Variants in NTMT1 observed in about 807,000 individuals in gnomAD.
NTMT1 encodes the protein N-terminal Xaa-Pro-Lys N-methyltransferase 1, also known as N-terminal RCC1 methyltransferase.
Under a neutral mutation model 17.5 loss-of-function variants are expected in NTMT1, and 8 were observed. The ratio of observed to expected loss-of-function variants is 0.46; its 90% CI spans 0.27 to 0.82. NTMT1 has a LOEUF of 0.82. Among genes scored for constraint, NTMT1 ranks in the 40% least tolerant of loss-of-function variants. The pLI is 0.15. For missense variants in NTMT1, 221 were observed against 303.5 expected (o/e 0.73, Z 2.02); for synonymous variants, 128 against 126.8 (o/e 1.01, Z -0.06).
At position 129,613,455 on chromosome 9, in the gene NTMT1, C is replaced by T. The variant is rs774059558; in HGVS notation, c.-55+4277C>T. On this transcript the variant is annotated intron_variant, in intron 1 of 3. Transcript: ENST00000372486. The surrounding 1 kb of genome is among the most constrained non-coding windows in gnomAD (Gnocchi z 6.2). ...CTCACAGGCCAGCGCAGTCCCAACA[C>T]GAGGAGCTGGCCAGGGTCTCCTCCT... The T allele has an allele frequency of 1.5e-5, 25 of 1,613,890 alleles. No individual in the cohort carries two copies. The highest frequency in any genetic ancestry group is 5.5e-5 in the South Asian group (5 of 91,086).
chr9:129,632,709 G>T lies in NTMT1; in HGVS notation c.6G>T (p.Thr2=), dbSNP rs376702708. The T allele has an allele frequency of 6.2e-7, 1 of 1,614,044 alleles. No individual in the cohort carries two copies. The highest frequency in any genetic ancestry group is 1.7e-5 in the Admixed American group (1 of 60,000). The change falls in exon 2 of 4, where the codon ACG becomes ACT. Residue 2 remains threonine, a synonymous_variant. Transcript: ENST00000372483. The part of the protein sequence containing the change: M[T]SEVIEDEKQF... The stretch of plus-strand genomic sequence containing the variant: ...GAGCCGTGGTTGGTGACAGCATGAC[G>T]AGCGAGGTGATAGAAGACGAGAAGC...
At chr9:129,611,136 C>T (rs1363035525) in intron 1 of NTMT1, among the ~76,000 whole-genome samples, 1 of 152,204 alleles carries the variant, frequency 6.6e-6, no homozygotes, top group African/African-American at 2.4e-5. Flanking sequence ...GCCCTAAGGA[C>T]CCCCACCAGC....
intron 1 of NTMT1, among the ~76,000 whole-genome samples, chr9:129,611,779 GTCT>G (rs1830119367): frequency 6.6e-6 from 1 of 151,978 alleles, no homozygotes; most frequent in African/African-American, 2.4e-5. Flanking sequence ...TTGAGACAAG[GTCT>G]TACTCTCTCG....
At position 129,634,065 on chromosome 9, in the gene NTMT1, C is replaced by T. The variant is rs746545119; in HGVS notation, c.174C>T (p.Asn58=). Residue 58 remains asparagine, a synonymous_variant, in exon 3 of 4, where the codon AAC becomes AAT. Coordinates refer to ENST00000372483, the MANE Select transcript of NTMT1 (RefSeq NM_014064.4). ...FLQRFLREGP[N]KTGTSCALDC... ...CCTCTGCTTTTCAGGAAGGCCCGAA[C>T]AAGACAGGAACGTCCTGTGCCCTGG... 6 of 1,613,744 alleles carry T rather than the reference C, an allele frequency of 3.7e-6. No individual in the cohort carries two copies. The Admixed American group carries it at 5.0e-5, about 13-fold the overall frequency.
upstream of NTMT1, among the ~76,000 whole-genome samples, chr9:129,624,888 A>C (rs895959969): frequency 2.0e-5 from 3 of 152,222 alleles, no homozygotes; most frequent in Non-Finnish European, 4.4e-5. Context: ...TTGGCCTCCC[A>C]AAATGCTGGG....
intron 1 of NTMT1, chr9:129,612,531 G>T: frequency 4.4e-6 from 5 of 1,140,102 alleles, no homozygotes; most frequent in Non-Finnish European, 6.5e-6. Flanking sequence ...GGGATTCTGT[G>T]CTGAAGCCCT....
At chr9:129,635,120 G>A in intron 3 of NTMT1, 88 bp from the exon 4 acceptor site, 2 of 1,465,616 alleles carry the variant, frequency 1.4e-6, no homozygotes, top group Admixed American at 3.8e-5. Context: ...CACAAATGAG[G>A]GGCTCAGCGG....
chr9:129,611,565 G>GCAGGGGCAGGGGA, intron 1 of NTMT1, among the ~76,000 whole-genome samples: 2 of 152,164 alleles, frequency 1.3e-5, no homozygotes, highest in Admixed American at 6.5e-5. Flanking sequence ...TCTTCCCTCG[G>GCAGGGGCAGGGGA]CTGGAGTCTG....
intron 1 of NTMT1, among the ~76,000 whole-genome samples, chr9:129,617,409 A>T (rs1830445310): frequency 6.6e-6 from 1 of 152,212 alleles, no homozygotes. Context: ...ACCTGCCTGA[A>T]ATCTCAGCAT....
intron 2 of NTMT1, chr9:129,633,154 C>G: frequency 2.1e-6 from 1 of 478,764 alleles, no homozygotes; most frequent in East Asian, 3.2e-5. Flanking sequence ...GGACGAAACC[C>G]TTGCTCTCCT....
At chr9:129,621,019 C>T (rs1234722326) in intron 1 of NTMT1, among the ~76,000 whole-genome samples, 1 of 152,234 alleles carries the variant, frequency 6.6e-6, no homozygotes, top group Non-Finnish European at 1.5e-5. Context: ...TCCCTGGGGG[C>T]TCTGGTCTGC....
At chr9:129,633,968 T>G in intron 2 of NTMT1, 86 bp from the exon 3 acceptor site, 13 of 1,457,538 alleles carry the variant, frequency 8.9e-6, no homozygotes, top group South Asian at 1.4e-5. Flanking sequence ...AATCCTGACT[T>G]GAGTCTAAGT....
At chr9:129,623,239 A>G (rs1177337410), upstream of NTMT1, among the ~76,000 whole-genome samples, 1 of 151,832 alleles carries the variant, frequency 6.6e-6, no homozygotes, top group African/African-American at 2.4e-5. Flanking sequence ...AGGCTGAGGC[A>G]GGAGAATGGC....
At chr9:129,616,039 A>C (rs1485887016) in intron 1 of NTMT1, among the ~76,000 whole-genome samples, 1 of 152,164 alleles carries the variant, frequency 6.6e-6, no homozygotes, top group Non-Finnish European at 1.5e-5. Flanking sequence ...CCAGCCCAGG[A>C]GTCATGCAGT....
intron 1 of NTMT1, among the ~76,000 whole-genome samples, chr9:129,628,930 G>T (rs978153131): frequency 6.6e-6 from 1 of 152,198 alleles, no homozygotes; most frequent in Non-Finnish European, 1.5e-5. Flanking sequence ...GCTTGCTCTC[G>T]CCATGGTCCA....
rs147397763 is a variant in NTMT1, at chr9:129,615,772, C to G, written c.-55+6594C>G. On this transcript the variant is annotated intron_variant, in intron 1 of 3. Transcript: ENST00000372486. ...TACACTGGTCTTGAAGAATGGATAACGCCAATCACAGCAGCCGGCCTTAAC... is the reference window on the plus strand; with the variant it reads ...TACACTGGTCTTGAAGAATGGATAAGGCCAATCACAGCAGCCGGCCTTAAC... 49 of 1,082,926 alleles carry G rather than the reference C, an allele frequency of 4.5e-5. No homozygotes were observed. The South Asian group carries it at 8.7e-4, about 19-fold the overall frequency. The allele number at this position is 1,082,926 out of a possible 1,614,324, so 67.1% of individuals were successfully genotyped here.
chr9:129,632,645 C>T lies in NTMT1; in HGVS notation c.-54-5C>T, dbSNP rs897089814. The T allele has an allele frequency of 9.4e-6, 15 of 1,600,122 alleles. No homozygotes were observed. The highest frequency in any genetic ancestry group is 1.3e-5 in the Non-Finnish European group (15 of 1,170,160). Reference sequence around the variant, plus strand: ...CCGCTGACTCACGCCCCCTTCCTTACCCAGGAGAGTCGCGGTTGCTGATCG... The same window carrying T: ...CCGCTGACTCACGCCCCCTTCCTTATCCAGGAGAGTCGCGGTTGCTGATCG... On this transcript the variant is annotated splice_polypyrimidine_tract_variant and splice_region_variant and intron_variant, in intron 1 of 3. Transcript: ENST00000372483.
chr9:129,627,636 T>G (rs538794248), intron 1 of NTMT1, among the ~76,000 whole-genome samples: 85 of 152,324 alleles, frequency 5.6e-4, no homozygotes, highest in African/African-American at 1.9e-3. Context: ...AAGATTCAGA[T>G]CTGGTTCATC....
chr9:129,623,619 G>C, upstream of NTMT1, among the ~76,000 whole-genome samples: 1 of 152,164 alleles, frequency 6.6e-6, no homozygotes, highest in East Asian at 1.9e-4. Flanking sequence ...TCAAATAACA[G>C]AGTGACTCAC....
Sources: gnomAD v4.1 joint callset for allele counts (sites outside exome capture counted in the v4.1 genomes callset) on GRCh38, gnomAD v4.1.1 for gene constraint, Gnocchi (gnomAD v3.1) non-coding constraint, MANE v1.5 for transcripts, NCBI Gene and HGNC (gene_info 2026-07-23, HGNC 2026-07-21) for gene names.